LRRTM4: variants seen among roughly 807,000 people sequenced by gnomAD.
The protein encoded by LRRTM4 is leucine rich repeat transmembrane neuronal 4, also known as leucine-rich repeat transmembrane neuronal protein 4.
A neutral mutation model predicts 47.6 loss-of-function variants in LRRTM4; 25 were observed. The observed-to-expected ratio is 0.53, with a 90% CI of 0.38 to 0.73. LRRTM4 has a LOEUF of 0.73. LRRTM4 is among the 30% of genes least tolerant of loss of function. The probability of loss-of-function intolerance (pLI) is 0.00; values close to 1 mark genes in which losing one functional copy is unlikely to be tolerated. For missense variants in LRRTM4, 638 were observed against 713.4 expected (o/e 0.89, Z 1.20); for synonymous variants, 311 against 269.5 (o/e 1.15, Z -1.51).
At position 77,415,911 on chromosome 2, in the gene LRRTM4, A is replaced by G. The variant is rs1505223; in HGVS notation, c.1551+102407T>C. Among the ~76,000 whole-genome samples, 305 of 152,220 alleles carry G rather than the reference A, an allele frequency of 2.0e-3. 1 individual carries two copies. The highest frequency in any genetic ancestry group is 7.1e-3 in the African/African-American group (297 of 41,560). On this transcript the variant is annotated intron_variant, in intron 3 of 3. Transcript: ENST00000409884. ...AATAAAACACAAATGATTGTCATTG[A>G]TTACATGCTAGCTAACTTGCCAAAT...
rs556777165 is a variant in LRRTM4, at chr2:77,015,927, G to A, written c.1552-267011C>T. ...AGGTCAGGAGTTCGAGACCAGCCTG[G>A]CCAACATAGCGAAACCCTGTCTCTA... On this transcript the variant is annotated intron_variant, in intron 3 of 3. Coordinates refer to ENST00000409884, the MANE Select transcript of LRRTM4 (RefSeq NM_001134745.3). 3.2e-4 allele frequency among the ~76,000 whole-genome samples: 48 copies of A among 152,048 alleles called. 1 individual carries two copies. The South Asian group carries it at 9.6e-3, about 30-fold the overall frequency.
chr2:77,434,208 A>T (rs1675498351), intron 3 of LRRTM4, among the ~76,000 whole-genome samples: 1 of 151,976 alleles, frequency 6.6e-6, no homozygotes, highest in Admixed American at 6.6e-5. Flanking sequence ...AGACACAATC[A>T]TGTGTGTAGA....
At chr2:76,990,658 T>C (rs762068284) in intron 3 of LRRTM4, among the ~76,000 whole-genome samples, 1 of 151,392 alleles carries the variant, frequency 6.6e-6, no homozygotes, top group Non-Finnish European at 1.5e-5. Context: ...AACAAATAGG[T>C]CTAGACCTAC....
chr2:77,071,922 G>A (rs891310458), intron 3 of LRRTM4, among the ~76,000 whole-genome samples: 10 of 152,072 alleles, frequency 6.6e-5, no homozygotes, highest in African/African-American at 1.7e-4. Context: ...AGGCCACATC[G>A]GGCTAGTGGG....
intron 3 of LRRTM4, among the ~76,000 whole-genome samples, chr2:77,095,524 T>TA (rs1670786512): frequency 6.6e-6 from 1 of 150,586 alleles, no homozygotes; most frequent in Non-Finnish European, 1.5e-5. Flanking sequence ...TTTTTTTTTT[T>TA]AGACAGAGTC....
intron 3 of LRRTM4, among the ~76,000 whole-genome samples, chr2:77,055,569 G>T (rs553062981): frequency 3.3e-5 from 5 of 152,134 alleles, no homozygotes; most frequent in Admixed American, 6.5e-5. Flanking sequence ...TGGAGAAATA[G>T]GAACACTTTT....
At chr2:76,890,455 T>G (rs1378341362) in intron 3 of LRRTM4, among the ~76,000 whole-genome samples, 2 of 152,024 alleles carry the variant, frequency 1.3e-5, no homozygotes, top group African/African-American at 2.4e-5. Flanking sequence ...CAAAAGAGGA[T>G]GTAGGATCTG....
At chr2:77,253,762 G>T (rs1283219158) in intron 3 of LRRTM4, among the ~76,000 whole-genome samples, 1 of 151,844 alleles carries the variant, frequency 6.6e-6, no homozygotes, top group Non-Finnish European at 1.5e-5. Flanking sequence ...TATGAAGAGA[G>T]TATAATCAAA....
chr2:77,280,417 T>C (rs2104098011), intron 3 of LRRTM4, among the ~76,000 whole-genome samples: 1 of 152,198 alleles, frequency 6.6e-6, no homozygotes, highest in South Asian at 2.1e-4. Context: ...GTTATAATAG[T>C]TATAGAAAAC....
chr2:76,902,298 T>A (rs1219433376), intron 3 of LRRTM4, among the ~76,000 whole-genome samples: 1 of 152,202 alleles, frequency 6.6e-6, no homozygotes, highest in Non-Finnish European at 1.5e-5. Context: ...AAATCATTTG[T>A]GTTTTTCCCT....
intron 3 of LRRTM4, among the ~76,000 whole-genome samples, chr2:77,274,836 CA>C (rs150105842): frequency 0.021 from 3,144 of 152,150 alleles, 86 homozygotes; most frequent in African/African-American, 0.071. Context: ...CCAAAAATTT[CA>C]AAAACCAGAT....
chr2:76,812,745 CTCT>C (rs1670776435), intron 3 of LRRTM4, among the ~76,000 whole-genome samples: 2 of 136,774 alleles, frequency 1.5e-5, no homozygotes, highest in African/African-American at 5.6e-5. Context: ...CCTCCTCCTC[CTCT>C]CCCTCCTTCT....
rs569235545 is a variant in LRRTM4 at position 77,244,003 on chromosome 2, G to C, written c.1551+274315C>G. 1.5e-3 allele frequency among the ~76,000 whole-genome samples: 194 copies of C among 127,972 alleles called. 1 individual carries two copies. The highest frequency in any genetic ancestry group is 5.5e-3 in the African/African-American group (182 of 32,832). The allele number at this position is 127,972 out of a possible 152,430, so 84.0% of individuals were successfully genotyped here. A position where few individuals can be genotyped will look rare whatever the true frequency, so the allele number is the denominator to read the frequency against. ...ATCTCATTGTTCAATTCCCACCTATGAGTGAGAATATGCGGTGTTTGGTTT... is the reference window on the plus strand; with the variant it reads ...ATCTCATTGTTCAATTCCCACCTATCAGTGAGAATATGCGGTGTTTGGTTT... On this transcript the variant is annotated intron_variant, in intron 3 of 3. Coordinates refer to ENST00000409884, the MANE Select transcript of LRRTM4 (RefSeq NM_001134745.3).
chr2:76,931,207 T>C (rs1674758085), intron 3 of LRRTM4, among the ~76,000 whole-genome samples: 1 of 152,212 alleles, frequency 6.6e-6, no homozygotes, highest in Non-Finnish European at 1.5e-5. Flanking sequence ...TATGTTGATA[T>C]ATCTGATTTC....
chr2:77,423,705 A>T (rs1674992875), intron 3 of LRRTM4, among the ~76,000 whole-genome samples: 1 of 152,208 alleles, frequency 6.6e-6, no homozygotes, highest in African/African-American at 2.4e-5. Flanking sequence ...TTCCTAAAAG[A>T]CTTCCAACTT....
chr2:77,305,032 A>G (rs2104175152), intron 3 of LRRTM4, among the ~76,000 whole-genome samples: 1 of 152,206 alleles, frequency 6.6e-6, no homozygotes, highest in Admixed American at 6.5e-5. Flanking sequence ...ATAGAAGATC[A>G]TGTCATGTAT....
At chr2:76,780,144 TG>T (rs1674284781) in intron 3 of LRRTM4, among the ~76,000 whole-genome samples, 1 of 152,344 alleles carries the variant, frequency 6.6e-6, no homozygotes, top group African/African-American at 2.4e-5. Flanking sequence ...GTTAGTCTGA[TG>T]GGCTTCCCTT....
Position 77,235,132 on chromosome 2 carries a change from T to C in LRRTM4, c.1551+283186A>G, listed in dbSNP as rs1045424090. ...CACATTTTCTGTATCCAATCCAACA[T>C]TGATGGGCACATAGGTTGAATCCAT... On this transcript the variant is annotated intron_variant, in intron 3 of 3. Transcript: ENST00000409884. 1.2e-4 allele frequency among the ~76,000 whole-genome samples: 18 copies of C among 152,280 alleles called. No individual in the cohort carries two copies. The South Asian group carries it at 3.7e-3, about 32-fold the overall frequency.
chr2:77,456,222 G>A (rs1340704519), intron 3 of LRRTM4, among the ~76,000 whole-genome samples: 3 of 152,034 alleles, frequency 2.0e-5, no homozygotes, highest in Non-Finnish European at 4.4e-5. Context: ...GCAGTCTACT[G>A]CTTACTATTT....
Sources: allele counts gnomAD v4.1 joint callset (sites outside exome capture counted in the v4.1 genomes callset), GRCh38; gene constraint gnomAD v4.1.1; transcripts MANE v1.5; gene names NCBI Gene and HGNC (gene_info 2026-07-23, HGNC 2026-07-21).